Variants in TBRG1 observed in about 807,000 individuals in gnomAD.
TBRG1 encodes the protein transforming growth factor beta regulator 1.
A neutral mutation model predicts 44.0 loss-of-function variants in TBRG1; 31 were observed. The observed-to-expected ratio is 0.70, with a 90% confidence interval of 0.53 to 0.95. TBRG1 has a LOEUF of 0.95. Ranked by LOEUF, TBRG1 falls within the 40% of genes least tolerant of loss-of-function variation. TBRG1 has a pLI of 0.00. For missense variants in TBRG1, 487 were observed against 496.1 expected, an observed-to-expected ratio of 0.98 and a Z score of 0.18; for synonymous variants, 171 against 188.1, an observed-to-expected ratio of 0.91 and a Z score of 0.74.
Position 124,633,154 on chromosome 11 carries a change from T to C in TBRG1, c.*916T>C, listed in dbSNP as rs1016600577. ...TTTAACCTTTGTATTGCACCTCAGA[T>C]AATGTGCTTTTTAGCTCAGTACACT... On this transcript the variant is annotated 3_prime_UTR_variant, in exon 9 of 9. Coordinates refer to ENST00000441174, the MANE Select transcript of TBRG1 (RefSeq NM_032811.3). The C allele has an allele frequency of 6.6e-6, 1 of 152,230 alleles. No individual in the cohort carries two copies. The highest frequency in any genetic ancestry group is 2.4e-5 in the African/African-American group (1 of 41,452). 9.4% of individuals were successfully genotyped at this position (152,230 alleles called of 1,614,324 possible). A position where few individuals can be genotyped will look rare whatever the true frequency, so the allele number is the denominator to read the frequency against.
intron 4 of TBRG1, 21 bp downstream of exon 4, chr11:124,626,630 A>G (rs1463776060): frequency 2.6e-6 from 4 of 1,551,252 alleles, no homozygotes; most frequent in Non-Finnish European, 3.5e-6. Flanking sequence ...CCAGCGATAT[A>G]TAGAGAGGAG....
intron 8 of TBRG1, 68 bp from the exon 9 acceptor site, chr11:124,632,025 A>G (rs2187152): frequency 0.11 from 160,160 of 1,411,640 alleles, 13,237 homozygotes; most frequent in African/African-American, 0.42. Context: ...GGACATGTAT[A>G]TGTCTGACCA....
At chr11:124,625,930 C>A in intron 3 of TBRG1, 27 bp downstream of exon 3, 1 of 1,528,162 alleles carries the variant, frequency 6.5e-7, no homozygotes, top group Non-Finnish European at 8.8e-7. Flanking sequence ...ATATCAGTTG[C>A]CCCAGTGACT....
intron 5 of TBRG1, among the ~76,000 whole-genome samples, chr11:124,628,102 TATATATATATATATACACACACAC>T (rs1360990248): frequency 7.8e-5 from 4 of 51,424 alleles, no homozygotes; most frequent in African/African-American, 4.5e-4. Context: ...TATATATATA[TATATATATATATATACACACACAC>T]ACACACACAC....
chr11:124,627,012 T>A lies in TBRG1; in HGVS notation c.700T>A (p.Tyr234Asn). 2 of 1,559,986 alleles carry A rather than the reference T, an allele frequency of 1.3e-6. No individual in the cohort carries two copies. The highest frequency in any genetic ancestry group is 1.7e-6 in the Non-Finnish European group (2 of 1,150,926). The change falls in exon 5 of 9, where the codon TAT (tyrosine) becomes AAT (asparagine). Residue 234 changes from tyrosine (Y) to asparagine (N), a missense_variant. Transcript: ENST00000441174. The part of the protein sequence containing the change: ...SMKCPDQKCL[Y>N]TCQIKDGGVQ... ...GAAGTGCCCAGACCAGAAGTGTCTATATACCTGTCAGATCAAGGATGGTGG... is the reference window on the plus strand; with the variant it reads ...GAAGTGCCCAGACCAGAAGTGTCTAAATACCTGTCAGATCAAGGATGGTGG...
At chr11:124,631,781 T>G (rs1942616811) in intron 8 of TBRG1, 1 of 432,116 alleles carries the variant, frequency 2.3e-6, no homozygotes. Flanking sequence ...CTGCCTGTGT[T>G]CCATGAGTTC....
At chr11:124,628,070 TATA>T (rs1942513167) in intron 5 of TBRG1, among the ~76,000 whole-genome samples, 4 of 33,154 alleles carry the variant, frequency 1.2e-4, no homozygotes, top group Non-Finnish European at 2.1e-4. Context: ...CTGTTTTATA[TATA>T]TATATATATA....
chr11:124,629,482 A>G (rs1300842358), intron 5 of TBRG1, among the ~76,000 whole-genome samples: 1 of 152,238 alleles, frequency 6.6e-6, no homozygotes, highest in Non-Finnish European at 1.5e-5. Flanking sequence ...CCATTGATTG[A>G]AACCACTCAC....
intron 5 of TBRG1, among the ~76,000 whole-genome samples, chr11:124,628,320 A>G (rs1443984542): frequency 1.3e-5 from 2 of 150,890 alleles, no homozygotes; most frequent in African/African-American, 4.8e-5. Context: ...GGGTGAGATG[A>G]AAAGGCTTTC....
At position 124,625,678 on chromosome 11, in the gene TBRG1, C is replaced by T. The variant is rs759915508; in HGVS notation, c.229C>T (p.Leu77=). Residue 77 remains leucine (L), a synonymous_variant, in exon 3 of 9, where the codon CTA becomes TTA. Coordinates refer to ENST00000441174, the MANE Select transcript of TBRG1 (RefSeq NM_032811.3). Reference sequence around the variant, plus strand: ...TTTCCTTCCTGATCTCAGGTACTTGCTAAAGAAGCTCCTCCAGCTTCAGGC... The same window carrying T: ...TTTCCTTCCTGATCTCAGGTACTTGTTAAAGAAGCTCCTCCAGCTTCAGGC... ...LKAKEERRYL[L]KKLLQLQALT... is the part of the protein sequence containing the mutation. 2.6e-6 allele frequency: 4 copies of T among 1,550,862 alleles called. No homozygotes were observed. The highest frequency in any genetic ancestry group is 3.5e-6 in the Non-Finnish European group (4 of 1,146,836).
chr11:124,634,803 C>T lies in TBRG1; in HGVS notation c.*2565C>T, dbSNP rs924072243. The T allele has an allele frequency of 3.3e-5, 5 of 152,094 alleles. No individual in the cohort carries two copies. Among genetic ancestry groups the T allele is most frequent in the African/African-American group, 1.2e-4 (5 of 41,418 alleles). 9.4% of individuals were successfully genotyped at this position (152,094 alleles called of 1,614,324 possible). A position where few individuals can be genotyped will look rare whatever the true frequency, so the allele number is the denominator to read the frequency against. On this transcript the variant is annotated 3_prime_UTR_variant, in exon 9 of 9. Transcript: ENST00000441174. ...AACACAGATTACAAAATAATATGTACTGTATAAAATTATATAACTCAAGTC... is the reference window on the plus strand; with the variant it reads ...AACACAGATTACAAAATAATATGTATTGTATAAAATTATATAACTCAAGTC...
chr11:124,626,798 T>C (rs777956472), intron 4 of TBRG1, 106 bp from the exon 5 acceptor site: 57 of 1,520,240 alleles, frequency 3.7e-5, no homozygotes, highest in Non-Finnish European at 4.7e-5. Flanking sequence ...TTGTGTGATT[T>C]GTCACTCTTT....
Position 124,631,372 on chromosome 11 carries a change from CAGAG to C in TBRG1, c.1047_1050del (p.Gln349HisfsTer36). On this transcript the variant is annotated frameshift_variant, in exon 8 of 9. Transcript: ENST00000441174. LOFTEE classifies it high-confidence loss of function. ...TGCAGCTATGAGCTTTGAAGCCTTT[CAGAG>C]ACAGATCTTTGATGAAGATCAGAAT... 1 of 1,613,962 alleles carries C rather than the reference CAGAG, an allele frequency of 6.2e-7. No homozygotes were observed. Among genetic ancestry groups the C allele is most frequent in the Non-Finnish European group, 8.5e-7 (1 of 1,179,848 alleles).
At position 124,630,475 on chromosome 11, in the gene TBRG1, A is replaced by C; in HGVS notation, c.826A>C (p.Ser276Arg). The change falls in exon 6 of 9, where the codon AGC (serine) becomes CGC (arginine). Residue 276 changes from serine (S) to arginine (R), a missense_variant. Transcript: ENST00000441174. ...TCATGCAGAACTGCTCAGGACTATA[A>C]GCACTACTATGTAAGTTGACCAAAA... ...ACHAELLRTI[S>R]TTMGKLMPNL... 6.2e-7 allele frequency: 1 copy of C among 1,611,946 alleles called. No homozygotes were observed.
Position 124,635,284 on chromosome 11 carries a change from G to A in TBRG1, c.*3046G>A, listed in dbSNP as rs1423259402. The A allele has an allele frequency of 6.6e-6, 1 of 152,188 alleles. No homozygotes were observed. The highest frequency in any genetic ancestry group is 1.9e-4 in the East Asian group (1 of 5,192). 9.4% of individuals were successfully genotyped at this position (152,188 alleles called of 1,614,324 possible). A position where few individuals can be genotyped will look rare whatever the true frequency, so the allele number is the denominator to read the frequency against. On this transcript the variant is annotated 3_prime_UTR_variant, in exon 9 of 9. Coordinates refer to ENST00000441174, the MANE Select transcript of TBRG1 (RefSeq NM_032811.3). The stretch of plus-strand genomic sequence containing the variant: ...ATGAGAGGTCAAAGCATGGGCAATA[G>A]GGGTTAACTGAACGAGTTGAATGCT...
intron 8 of TBRG1, 167 bp from the exon 9 acceptor site, chr11:124,631,926 A>G: frequency 1.6e-6 from 1 of 609,762 alleles, no homozygotes. Flanking sequence ...TAATGTTTCA[A>G]CCAGTTTTCA....
rs1942477994 is a variant in TBRG1 at position 124,626,629 on chromosome 11, T to C, written c.591+20T>C. 6.4e-7 allele frequency: 1 copy of C among 1,551,114 alleles called. No individual in the cohort carries two copies. Among genetic ancestry groups the C allele is most frequent in the Non-Finnish European group, 8.7e-7 (1 of 1,146,638 alleles). ...GGGGAGGTGAGTGAGACCAGCGATATATAGAGAGGAGAATCAGGGAAATAC... is the reference window on the plus strand; with the variant it reads ...GGGGAGGTGAGTGAGACCAGCGATACATAGAGAGGAGAATCAGGGAAATAC... On this transcript the variant is annotated intron_variant, in intron 4 of 8. Coordinates refer to ENST00000441174, the MANE Select transcript of TBRG1 (RefSeq NM_032811.3).
rs1187418389 is a variant in TBRG1 at position 124,623,322 on chromosome 11, G to A, written c.150+89G>A. On this transcript the variant is annotated intron_variant, in intron 1 of 8. Coordinates refer to ENST00000441174, the MANE Select transcript of TBRG1 (RefSeq NM_032811.3). ...GCTGTTCCCCCTTCCCAGTGTGACAGTATTAATACAGTGTTGGCTTTTCCG... is the reference window on the plus strand; with the variant it reads ...GCTGTTCCCCCTTCCCAGTGTGACAATATTAATACAGTGTTGGCTTTTCCG... The A allele has an allele frequency of 2.8e-6, 4 of 1,413,068 alleles. No individual in the cohort carries two copies. In the Admixed American group the frequency reaches 7.9e-5, roughly 28 times the overall value. The allele number at this position is 1,413,068 out of a possible 1,614,324, so 87.5% of individuals were successfully genotyped here.
chr11:124,628,262 T>C (rs969765177), intron 5 of TBRG1, among the ~76,000 whole-genome samples: 1 of 150,302 alleles, frequency 6.7e-6, no homozygotes, highest in Non-Finnish European at 1.5e-5. Context: ...AATATTTTAT[T>C]CTATAAATAT....
Sources: allele counts gnomAD v4.1 joint callset (sites outside exome capture counted in the v4.1 genomes callset), GRCh38; gene constraint gnomAD v4.1.1; transcripts MANE v1.5; gene names NCBI Gene and HGNC (gene_info 2026-07-23, HGNC 2026-07-21).